The following BTNL9 variants were observed in gnomAD, a reference collection of about 807,000 sequenced individuals.
BTNL9 encodes the protein butyrophilin like 9.
A neutral mutation model predicts 45.8 loss-of-function variants in BTNL9; 45 were observed. The observed-to-expected ratio is 0.98, with a 90% CI of 0.77 to 1.26. The LOEUF (loss-of-function observed/expected upper bound fraction) is 1.26. Ranked by LOEUF, BTNL9 falls within the 50% of genes most tolerant of loss-of-function variation. The pLI, the probability that BTNL9 is intolerant of heterozygous loss-of-function variation, is 0.00. For synonymous variants in BTNL9, 346 were observed against 330.8 expected (o/e 1.05, Z -0.50); for missense variants, 784 against 729.7 (o/e 1.07, Z -0.86).
Position 181,053,007 on chromosome 5 carries a change from G to GCCCCCTCCGCGGCGCGCCCCCT in BTNL9, c.737-183_737-182insGGCGCGCCCCCTCCCCCTCCGC, listed in dbSNP as rs1452363996. ...CCCGCACGCCCCGCGGCGCGCCCCCGCCCCCTCCGCCGCGCGCGCCCCCGC... is the reference window on the plus strand; with the variant it reads ...CCCGCACGCCCCGCGGCGCGCCCCCGCCCCCTCCGCGGCGCGCCCCCTCCCCCTCCGCCGCGCGCGCCCCCGC... On this transcript the variant is annotated intron_variant, in intron 4 of 10. Coordinates refer to ENST00000327705, the MANE Select transcript of BTNL9 (RefSeq NM_152547.5). The surrounding 1 kb of genome is among the most constrained non-coding windows in gnomAD (Gnocchi z 6.5). 1 of 135,018 alleles carries GCCCCCTCCGCGGCGCGCCCCCT rather than the reference G, an allele frequency of 7.4e-6. No individual in the cohort carries two copies. The highest frequency in any genetic ancestry group is 3.2e-5 in the African/African-American group (1 of 31,058). The allele number at this position is 135,018 out of a possible 1,614,324, so 8.4% of individuals were successfully genotyped here. A position where few individuals can be genotyped will look rare whatever the true frequency, so the allele number is the denominator to read the frequency against.
Position 181,042,091 on chromosome 5 carries a change from G to T in BTNL9, c.-24+1659G>T, listed in dbSNP as rs192838516. Among the ~76,000 whole-genome samples the T allele has an allele frequency of 6.6e-6, 1 of 152,188 alleles. No individual in the cohort carries two copies. Among genetic ancestry groups the T allele is most frequent in the Non-Finnish European group, 1.5e-5 (1 of 68,028 alleles). On this transcript the variant is annotated intron_variant, in intron 1 of 10. Coordinates refer to ENST00000327705, the MANE Select transcript of BTNL9 (RefSeq NM_152547.5). The surrounding 1 kb of genome is among the most constrained non-coding windows in gnomAD (Gnocchi z 4.5). ...AGAACAGGAGTGGGGCGGGCTGGGG[G>T]CAATGAGAGAGCAAGAAGAAAAGAA...
In BTNL9 at chr5:181,059,602, G is replaced by A; in HGVS notation, c.1348G>A (p.Gly450Ser). ...LTLRVPPRRL[G>S]VFLDYEAGEL... is the part of the protein sequence containing the mutation. ...CCTGCGCGTGCCCCCGCGGCGCCTGGGCGTCTTCCTGGACTACGAGGCCGG... is the reference window on the plus strand; with the variant it reads ...CCTGCGCGTGCCCCCGCGGCGCCTGAGCGTCTTCCTGGACTACGAGGCCGG... The change falls in exon 11 of 11, where the codon GGC becomes AGC. Residue 450 changes from glycine to serine, a missense_variant. By Grantham distance (56) the Gly-to-Ser change is moderately conservative. Coordinates refer to ENST00000327705, the MANE Select transcript of BTNL9 (RefSeq NM_152547.5). 1.2e-6 allele frequency: 2 copies of A among 1,613,274 alleles called. No homozygotes were observed. The highest frequency in any genetic ancestry group is 1.7e-6 in the Non-Finnish European group (2 of 1,179,924).
chr5:181,043,197 T>C (rs1760876238), intron 1 of BTNL9, among the ~76,000 whole-genome samples: 2 of 151,932 alleles, frequency 1.3e-5, no homozygotes, highest in Admixed American at 1.3e-4. Context: ...TGTGTGTGTG[T>C]ATGTGTCTGT....
In BTNL9 at chr5:181,045,456, T is replaced by C. The variant is rs772233736; in HGVS notation, c.-23-11T>C. 2.3e-5 allele frequency: 33 copies of C among 1,438,640 alleles called. No homozygotes were observed. In the East Asian group the frequency reaches 7.5e-4, roughly 33 times the overall value. The allele number at this position is 1,438,640 out of a possible 1,614,324, so 89.1% of individuals were successfully genotyped here. A position where few individuals can be genotyped will look rare whatever the true frequency, so the allele number is the denominator to read the frequency against. ...TGCACGTCGCTCCAGCACCCCTTTG[T>C]CCCTCTCCAGGTGGCCCCCACTGCT... On this transcript the variant is annotated splice_polypyrimidine_tract_variant and intron_variant, in intron 1 of 10. Coordinates refer to ENST00000327705, the MANE Select transcript of BTNL9 (RefSeq NM_152547.5).
Position 181,059,117 on chromosome 5 carries a change from T to C in BTNL9, c.983-120T>C, listed in dbSNP as rs1482240946. On this transcript the variant is annotated intron_variant, in intron 10 of 10. Coordinates refer to ENST00000327705, the MANE Select transcript of BTNL9 (RefSeq NM_152547.5). ...GGGTTTGCAGGGGTGAGGGTCGGGGTAAGGGGTTCATTTCCTCGATTATTC... is the reference window on the plus strand; with the variant it reads ...GGGTTTGCAGGGGTGAGGGTCGGGGCAAGGGGTTCATTTCCTCGATTATTC... The C allele has an allele frequency of 2.2e-6, 3 of 1,387,622 alleles. No individual in the cohort carries two copies. The East Asian group carries it at 8.8e-5, about 41-fold the overall frequency. The allele number at this position is 1,387,622 out of a possible 1,614,324, so 86.0% of individuals were successfully genotyped here.
rs183884784 is a variant in BTNL9, at chr5:181,060,051, G to A, written c.*189G>A. On this transcript the variant is annotated 3_prime_UTR_variant, in exon 11 of 11. Coordinates refer to ENST00000327705, the MANE Select transcript of BTNL9 (RefSeq NM_152547.5). ...GATTTTCTTCAAGGAAAGGAGACAA[G>A]TCCAAAGCTCGTTTGTGGATTGTGG... The A allele has an allele frequency of 1.6e-6, 1 of 611,044 alleles. No homozygotes were observed. Among genetic ancestry groups the A allele is most frequent in the African/African-American group, 1.8e-5 (1 of 54,072 alleles). The allele number at this position is 611,044 out of a possible 1,614,324, so 37.9% of individuals were successfully genotyped here.
At position 181,053,460 on chromosome 5, in the gene BTNL9, T is replaced by A; in HGVS notation, c.854-9T>A. On this transcript the variant is annotated splice_polypyrimidine_tract_variant and intron_variant, in intron 5 of 10. Coordinates refer to ENST00000327705, the MANE Select transcript of BTNL9 (RefSeq NM_152547.5). The surrounding 1 kb of genome is among the most constrained non-coding windows in gnomAD (Gnocchi z 6.5). The stretch of plus-strand genomic sequence containing the variant: ...GCACTCAGCCCTCTCCGCTCCCGTT[T>A]CCCTTCAGAAAAGCTGAGGAAGCAG... The A allele has an allele frequency of 1.3e-6, 2 of 1,571,142 alleles. No individual in the cohort carries two copies. The highest frequency in any genetic ancestry group is 1.7e-6 in the Non-Finnish European group (2 of 1,158,644).
In BTNL9 at chr5:181,054,745, G is replaced by A. The variant is rs1196865829; in HGVS notation, c.907+486G>A. On this transcript the variant is annotated intron_variant, in intron 7 of 10. Transcript: ENST00000327705. ...TGGAGGAAAAGGCCATCATGGTGTTGGGGTTGGGGGGGCAATTCAGATGAA... is the reference window on the plus strand; with the variant it reads ...TGGAGGAAAAGGCCATCATGGTGTTAGGGTTGGGGGGGCAATTCAGATGAA... 25 of 985,340 alleles carry A rather than the reference G, an allele frequency of 2.5e-5. No individual in the cohort carries two copies. In the East Asian group the frequency reaches 2.6e-3, roughly 103 times the overall value. The allele number at this position is 985,340 out of a possible 1,614,324, so 61.0% of individuals were successfully genotyped here. A position where few individuals can be genotyped will look rare whatever the true frequency, so the allele number is the denominator to read the frequency against.
In BTNL9 at chr5:181,059,901, C is replaced by T. The variant is rs1162357607; in HGVS notation, c.*39C>T. The T allele has an allele frequency of 6.8e-7, 1 of 1,473,564 alleles. No individual in the cohort carries two copies. The highest frequency in any genetic ancestry group is 1.3e-5 in the South Asian group (1 of 75,712). 91.3% of individuals were successfully genotyped at this position (1,473,564 alleles called of 1,614,324 possible). ...CCGCGGGACTGGCCCCGGGGGGCCC[C>T]CTGGATCCCAGGCCAGCGCTTTGCT... On this transcript the variant is annotated 3_prime_UTR_variant, in exon 11 of 11. Transcript: ENST00000327705.
At position 181,059,220 on chromosome 5, in the gene BTNL9, G is replaced by A. The variant is rs1473497853; in HGVS notation, c.983-17G>A. On this transcript the variant is annotated splice_polypyrimidine_tract_variant and intron_variant, in intron 10 of 10. Transcript: ENST00000327705. ...CAGACCGTCCCGGGCGGGCACTAAC[G>A]CTGTGGCTCTGCGCAGTGGATGTGA... The A allele has an allele frequency of 2.6e-6, 4 of 1,520,924 alleles. No individual in the cohort carries two copies. Among genetic ancestry groups the A allele is most frequent in the Non-Finnish European group, 3.5e-6 (4 of 1,143,166 alleles). The allele number at this position is 1,520,924 out of a possible 1,614,324, so 94.2% of individuals were successfully genotyped here. A position where few individuals can be genotyped will look rare whatever the true frequency, so the allele number is the denominator to read the frequency against.
chr5:181,044,660 A>G (rs1394993121), intron 1 of BTNL9, among the ~76,000 whole-genome samples: 2 of 151,978 alleles, frequency 1.3e-5, no homozygotes, highest in African/African-American at 4.9e-5. Context: ...GTGTATCTCC[A>G]GAGACTCATT....
intron 9 of BTNL9, chr5:181,057,004 ATATCTGTG>A (rs1761915519): frequency 5.9e-6 from 1 of 170,432 alleles, no homozygotes; most frequent in African/African-American, 3.3e-5. Flanking sequence ...GGAATATTAT[ATATCTGTG>A]TGTGTGTGTG....
rs80120018 is a variant in BTNL9 at position 181,056,222 on chromosome 5, A to G, written c.955+207A>G. Reference sequence around the variant, plus strand: ...CCACTAGTTCCAATCCTGGTTACATATCAGAGTTACCTCGACTCCTGGTGC... The same window carrying G: ...CCACTAGTTCCAATCCTGGTTACATGTCAGAGTTACCTCGACTCCTGGTGC... On this transcript the variant is annotated intron_variant, in intron 9 of 10. Transcript: ENST00000327705. Among the ~76,000 whole-genome samples the G allele has an allele frequency of 0.015, 2,224 of 152,278 alleles. 28 individuals are homozygous for G. The highest frequency in any genetic ancestry group is 0.037 in the Middle Eastern group (11 of 294).
intron 4 of BTNL9, chr5:181,052,720 G>A (rs965647190): frequency 3.3e-5 from 5 of 152,208 alleles, no homozygotes; most frequent in Admixed American, 6.5e-5. Context: ...GGAGCTGCGA[G>A]GCCGCGCGCA....
intron 9 of BTNL9, chr5:181,056,466 A>G: frequency 2.9e-6 from 2 of 695,196 alleles, no homozygotes; most frequent in Non-Finnish European, 5.4e-6. Flanking sequence ...CTTTTCCCGT[A>G]TGCATCATCA....
intron 6 of BTNL9, 89 bp from the exon 7 acceptor site, chr5:181,054,150 C>G: frequency 6.3e-7 from 1 of 1,589,192 alleles, no homozygotes; most frequent in Non-Finnish European, 8.6e-7. Context: ...GGTGAGGCCT[C>G]AGTGTTCACC....
At chr5:181,047,548 AT>A in intron 2 of BTNL9, 1 of 970,650 alleles carries the variant, frequency 1.0e-6, no homozygotes, top group Non-Finnish European at 1.2e-6. Context: ...GCAAATACGT[AT>A]GTTTTTTACT....
Position 181,050,463 on chromosome 5 carries a change from G to A in BTNL9, c.736+94G>A, listed in dbSNP as rs757349211. 48 of 1,423,510 alleles carry A rather than the reference G, an allele frequency of 3.4e-5. No individual in the cohort carries two copies. Among genetic ancestry groups the A allele is most frequent in the African/African-American group, 4.2e-5 (3 of 70,638 alleles). 88.2% of individuals were successfully genotyped at this position (1,423,510 alleles called of 1,614,324 possible). A position where few individuals can be genotyped will look rare whatever the true frequency, so the allele number is the denominator to read the frequency against. On this transcript the variant is annotated intron_variant, in intron 4 of 10. Transcript: ENST00000327705. This position sits in a 1 kb window ranked among gnomAD's most constrained non-coding sequence, Gnocchi z 4.9. The stretch of plus-strand genomic sequence containing the variant: ...GTCTATAAAGACACAATGGTACTGC[G>A]CCTGTCTGCATATAGGGTGTGTTGG...
rs142474308 is a variant in BTNL9 at position 181,050,312 on chromosome 5, G to A, written c.679G>A (p.Val227Ile). The A allele has an allele frequency of 3.3e-5, 53 of 1,614,106 alleles. No individual in the cohort carries two copies. In the African/African-American group the frequency reaches 4.0e-4, roughly 12 times the overall value. The change falls in exon 4 of 11, where the codon GTC becomes ATC. Residue 227 changes from valine (V) to isoleucine (I), a missense_variant. Coordinates refer to ENST00000327705, the MANE Select transcript of BTNL9 (RefSeq NM_152547.5). The surrounding 1 kb of genome is among the most constrained non-coding windows in gnomAD (Gnocchi z 4.9). ...AGCGGGAGCCCTCAGCAATGTGTCC[G>A]TCTCCATCCAGAATCTCCTCTTGAG... is the stretch of plus-strand genomic sequence containing the variant. ...VRAGALSNVS[V>I]SIQNLLLSQK...
Sources: gnomAD v4.1 joint callset for allele counts (sites outside exome capture counted in the v4.1 genomes callset) on GRCh38, gnomAD v4.1.1 for gene constraint, Gnocchi (gnomAD v3.1) non-coding constraint, MANE v1.5 for transcripts, NCBI Gene and HGNC (gene_info 2026-07-23, HGNC 2026-07-21) for gene names.